Variants in DLG2 observed in about 807,000 individuals in gnomAD.
DLG2 encodes discs large MAGUK scaffold protein 2, also known as disks large homolog 2.
In DLG2, 45 loss-of-function variants were observed where a neutral mutation model predicts 132.5. The ratio of observed to expected loss-of-function variants is 0.34; its 90% confidence interval spans 0.27 to 0.44. The LOEUF is 0.44. Ranked by LOEUF, DLG2 falls within the 20% of genes least tolerant of loss-of-function variation. The pLI, the probability that DLG2 is intolerant of heterozygous loss-of-function variation, is 1.00. For synonymous variants in DLG2, 424 were observed against 419.6 expected, an observed-to-expected ratio of 1.01 and a Z score of -0.13; for missense variants, 1,045 against 1,196.9, an observed-to-expected ratio of 0.87 and a Z score of 1.87.
intron 18 of DLG2, among the ~76,000 whole-genome samples, chr11:83,783,390 T>C (rs1235354427): frequency 6.6e-6 from 1 of 152,258 alleles, no homozygotes; most frequent in African/African-American, 2.4e-5. Context: ...TATTTATAAT[T>C]ATCACAAAAA....
intron 6 of DLG2, among the ~76,000 whole-genome samples, chr11:84,925,323 G>C (rs2092936471): frequency 6.6e-6 from 1 of 152,110 alleles, no homozygotes; most frequent in Admixed American, 6.6e-5. Flanking sequence ...CCCTGTCAAG[G>C]CTATCAGGGA....
intron 6 of DLG2, among the ~76,000 whole-genome samples, chr11:84,730,141 C>T (rs557445216): frequency 2.6e-5 from 4 of 151,898 alleles, no homozygotes; most frequent in Non-Finnish European, 5.9e-5. Flanking sequence ...TCATTGTTCA[C>T]CAAATTTGAT....
intron 6 of DLG2, among the ~76,000 whole-genome samples, chr11:84,894,283 A>C: frequency 6.6e-6 from 1 of 152,202 alleles, no homozygotes. Context: ...GTATTTAAAA[A>C]GCAGAAATCT....
At chr11:84,051,969 G>C (rs2096394629) in intron 11 of DLG2, among the ~76,000 whole-genome samples, 1 of 151,710 alleles carries the variant, frequency 6.6e-6, no homozygotes, top group African/African-American at 2.4e-5. Context: ...ACAATCGTTT[G>C]AATAAATGGA....
At chr11:83,753,133 G>C (rs545697255) in intron 18 of DLG2, among the ~76,000 whole-genome samples, 3 of 152,140 alleles carry the variant, frequency 2.0e-5, no homozygotes, top group Non-Finnish European at 2.9e-5. Flanking sequence ...ATAAAACTCA[G>C]ATCTCATGGC....
intron 7 of DLG2, among the ~76,000 whole-genome samples, chr11:84,457,688 A>G (rs2154484103): frequency 6.6e-6 from 1 of 151,050 alleles, no homozygotes; most frequent in Non-Finnish European, 1.5e-5. Flanking sequence ...TGTTTCTGAG[A>G]GCAATTTCAT....
chr11:85,393,641 G>GTA (rs2087009373), intron 3 of DLG2, among the ~76,000 whole-genome samples: 1 of 151,360 alleles, frequency 6.6e-6, no homozygotes, highest in Non-Finnish European at 1.5e-5. Context: ...GTGTGTGTGT[G>GTA]TGTGTGTGTG....
At chr11:85,035,991 T>G (rs1180544623) in intron 6 of DLG2, among the ~76,000 whole-genome samples, 4 of 152,206 alleles carry the variant, frequency 2.6e-5, no homozygotes, top group Non-Finnish European at 5.9e-5. Flanking sequence ...GGTTTCAAAA[T>G]AAAAAGTTAG....
At chr11:84,587,232 T>C (rs2154530025) in intron 6 of DLG2, among the ~76,000 whole-genome samples, 1 of 152,326 alleles carries the variant, frequency 6.6e-6, no homozygotes, top group East Asian at 1.9e-4. Context: ...TTATTTTCTT[T>C]GGCTTATGTG....
intron 7 of DLG2, among the ~76,000 whole-genome samples, chr11:84,363,026 G>A (rs1219983642): frequency 5.9e-5 from 9 of 151,292 alleles, no homozygotes; most frequent in African/African-American, 2.2e-4. Context: ...TATATACCCA[G>A]TAATGGGATG....
chr11:84,868,624 T>G (rs901569333), intron 6 of DLG2, among the ~76,000 whole-genome samples: 4 of 152,162 alleles, frequency 2.6e-5, no homozygotes, highest in African/African-American at 9.7e-5. Context: ...TGTGTAGATG[T>G]TGTAAACATC....
At chr11:85,554,132 T>C (rs1004271939) in intron 3 of DLG2, among the ~76,000 whole-genome samples, 10 of 149,326 alleles carry the variant, frequency 6.7e-5, no homozygotes, top group Non-Finnish European at 1.5e-4. Context: ...TAGAGTAAAA[T>C]AAAAGAAAGT....
intron 3 of DLG2, among the ~76,000 whole-genome samples, chr11:85,582,019 C>A (rs1040690467): frequency 5.3e-5 from 8 of 152,176 alleles, no homozygotes; most frequent in Non-Finnish European, 1.2e-4. Context: ...AACAGTATTT[C>A]TCCAGCTATA....
Position 83,762,705 on chromosome 11 carries a change from T to C in DLG2, c.1825+23985A>G, listed in dbSNP as rs187178990. On this transcript the variant is annotated intron_variant, in intron 18 of 27. Coordinates refer to ENST00000376104, the MANE Select transcript of DLG2 (RefSeq NM_001142699.3). Reference sequence around the variant, plus strand: ...ATGCCATTCTCCTGCCTCAGCCTACTCAACAGCTGGGACTACAGGCGCATG... The same window carrying C: ...ATGCCATTCTCCTGCCTCAGCCTACCCAACAGCTGGGACTACAGGCGCATG... Among the ~76,000 whole-genome samples the C allele has an allele frequency of 2.0e-5, 3 of 152,062 alleles. No homozygotes were observed. In the East Asian group the frequency reaches 5.8e-4, roughly 30 times the overall value.
At chr11:84,287,735 C>G (rs1454713895) in intron 7 of DLG2, among the ~76,000 whole-genome samples, 2 of 121,586 alleles carry the variant, frequency 1.6e-5, no homozygotes, top group Non-Finnish European at 3.4e-5. Flanking sequence ...ATTTTTCTCT[C>G]TCTTAGACAC....
intron 3 of DLG2, among the ~76,000 whole-genome samples, chr11:85,448,383 G>A (rs2092101116): frequency 6.6e-6 from 1 of 152,000 alleles, no homozygotes; most frequent in Non-Finnish European, 1.5e-5. Flanking sequence ...TAAGATTTGG[G>A]GTGAGAAAGT....
At chr11:85,320,118 C>T (rs966125367) in intron 3 of DLG2, among the ~76,000 whole-genome samples, 9 of 151,920 alleles carry the variant, frequency 5.9e-5, no homozygotes, top group East Asian at 1.9e-4. Context: ...TTATAGACTA[C>T]ATCCCTCAGC....
intron 3 of DLG2, among the ~76,000 whole-genome samples, chr11:85,466,260 TG>T (rs1447351204): frequency 6.6e-6 from 1 of 152,238 alleles, no homozygotes; most frequent in African/African-American, 2.4e-5. Context: ...TTCTGTAGGT[TG>T]CCTGTTCACT....
intron 6 of DLG2, among the ~76,000 whole-genome samples, chr11:84,589,958 TG>T (rs1325066375): frequency 1.3e-5 from 2 of 152,366 alleles, no homozygotes; most frequent in Admixed American, 6.5e-5. Flanking sequence ...CTTTTCTAAC[TG>T]GAGTGTACCA....
Sources: allele counts gnomAD v4.1 joint callset (sites outside exome capture counted in the v4.1 genomes callset), GRCh38; gene constraint gnomAD v4.1.1; transcripts MANE v1.5; gene names NCBI Gene and HGNC (gene_info 2026-07-23, HGNC 2026-07-21).